The following SNTG1 variants were observed in gnomAD, a reference collection of about 807,000 sequenced individuals.
SNTG1 encodes gamma-1-syntrophin.
SNTG1 carries 39 observed loss-of-function variants against 74.7 expected under a neutral mutation model. That is an observed-to-expected ratio of 0.52 (90% confidence interval 0.40 to 0.68). The LOEUF (loss-of-function observed/expected upper bound fraction) is 0.68. Ranked by LOEUF, SNTG1 falls within the 30% of genes least tolerant of loss-of-function variation. The probability of loss-of-function intolerance (pLI) is 0.00; values close to 1 mark genes in which losing one functional copy is unlikely to be tolerated. For missense variants in SNTG1, 685 were observed against 609.5 expected, an observed-to-expected ratio of 1.12 and a Z score of -1.30; for synonymous variants, 254 against 217.1, an observed-to-expected ratio of 1.17 and a Z score of -1.49.
rs148884298 is a variant in SNTG1 at position 50,247,552 on chromosome 8, C to T, written c.-28+74917C>T. ...AGAGACAAATACTCTGTCACCCAGGCTGCAGTATAGTGGCATGATCATAGT... is the reference window on the plus strand; with the variant it reads ...AGAGACAAATACTCTGTCACCCAGGTTGCAGTATAGTGGCATGATCATAGT... On this transcript the variant is annotated intron_variant, in intron 2 of 18. Transcript: ENST00000642720. Among the ~76,000 whole-genome samples, 632 of 152,276 alleles carry T rather than the reference C, an allele frequency of 4.2e-3. 7 individuals carry two copies. Among genetic ancestry groups the T allele is most frequent in the African/African-American group, 0.014 (586 of 41,550 alleles).
intron 13 of SNTG1, among the ~76,000 whole-genome samples, chr8:50,638,506 A>T (rs544075463): frequency 6.6e-6 from 1 of 152,236 alleles, no homozygotes; most frequent in South Asian, 2.1e-4. Context: ...GAGTTACAAA[A>T]ATTTTTTCTA....
rs753712168 is a variant in SNTG1, at chr8:50,553,171, A to C, written c.802A>C (p.Lys268Gln). Residue 268 changes from lysine (K) to glutamine (Q), a missense_variant, in exon 12 of 19, where the codon AAG (lysine) becomes CAG (glutamine). Physicochemically the swap from Lys to Gln is moderately conservative, Grantham distance 53. Transcript: ENST00000642720. The stretch of plus-strand genomic sequence containing the variant: ...AGCAACTAACATTTCAAATCTCACA[A>C]AGCACAATGTAAGTAATGATTCAAG... ...AIATNISNLT[K>Q]HNIKKINRNF... 45 of 1,613,674 alleles carry C rather than the reference A, an allele frequency of 2.8e-5. No individual in the cohort carries two copies. Among genetic ancestry groups the C allele is most frequent in the Non-Finnish European group, 3.6e-5 (42 of 1,179,812 alleles).
chr8:50,058,626 A>G (rs1820221128), intron 1 of SNTG1, among the ~76,000 whole-genome samples: 1 of 151,942 alleles, frequency 6.6e-6, no homozygotes, highest in Non-Finnish European at 1.5e-5. Flanking sequence ...ACTTTAAACA[A>G]TTTCCCTCAA....
intron 18 of SNTG1, among the ~76,000 whole-genome samples, chr8:50,756,702 T>C (rs1203433174): frequency 6.6e-6 from 1 of 151,758 alleles, no homozygotes; most frequent in African/African-American, 2.4e-5. Context: ...TTTATAGTGT[T>C]AATCCTTCAA....
At chr8:50,479,432 AG>A (rs1380304190) in intron 8 of SNTG1, among the ~76,000 whole-genome samples, 17 of 152,192 alleles carry the variant, frequency 1.1e-4, no homozygotes, top group South Asian at 2.1e-4. Context: ...TCTTTCCTAC[AG>A]AATTTGAAAT....
At chr8:49,910,296 C>T (rs940178117), upstream of SNTG1, among the ~76,000 whole-genome samples, 1 of 152,064 alleles carries the variant, frequency 6.6e-6, no homozygotes. Flanking sequence ...CCTCCCGGAC[C>T]CCCGTCCCCA....
chr8:49,951,616 G>A (rs1422385688), intron 1 of SNTG1, among the ~76,000 whole-genome samples: 2 of 151,446 alleles, frequency 1.3e-5, no homozygotes, highest in Non-Finnish European at 2.9e-5. Flanking sequence ...GGTGGGGTGG[G>A]GGGAGCGGGG....
intron 17 of SNTG1, among the ~76,000 whole-genome samples, chr8:50,744,460 T>C (rs1476005488): frequency 6.6e-6 from 1 of 152,110 alleles, no homozygotes; most frequent in Middle Eastern, 3.4e-3. Context: ...TGTTTATGAA[T>C]TGAAAGACAT....
At chr8:50,671,054 A>G (rs1203567660) in intron 15 of SNTG1, among the ~76,000 whole-genome samples, 11 of 151,348 alleles carry the variant, frequency 7.3e-5, no homozygotes. Context: ...CAGATGGATT[A>G]AAGACTTAAA....
intron 2 of SNTG1, among the ~76,000 whole-genome samples, chr8:50,306,809 C>A (rs28895348): frequency 0.068 from 10,341 of 151,870 alleles, 815 homozygotes; most frequent in African/African-American, 0.17. Flanking sequence ...GCATAGTTTG[C>A]AAATATTATC....
At chr8:50,502,714 G>C in intron 8 of SNTG1, 64 bp from the exon 9 acceptor site, 1 of 1,336,372 alleles carries the variant, frequency 7.5e-7, no homozygotes. Context: ...TAATTTCAAG[G>C]CTTTGCCATC....
chr8:50,103,630 T>A (rs544733421), intron 1 of SNTG1, among the ~76,000 whole-genome samples: 2 of 152,210 alleles, frequency 1.3e-5, no homozygotes, highest in Non-Finnish European at 2.9e-5. Flanking sequence ...GGCATCCCTG[T>A]CTTGTGCCAG....
intron 5 of SNTG1, among the ~76,000 whole-genome samples, chr8:50,443,611 G>C (rs994557146): frequency 6.6e-6 from 1 of 151,976 alleles, no homozygotes; most frequent in Admixed American, 6.6e-5. Context: ...GATAACTATT[G>C]TTATACCTTC....
chr8:49,963,749 TAGCTCCCACTTTATTTC>T (rs1810901348), intron 1 of SNTG1, among the ~76,000 whole-genome samples: 1 of 152,248 alleles, frequency 6.6e-6, no homozygotes, highest in East Asian at 1.9e-4. Context: ...ATGCTATGAA[TAGCTCCCACTTTATTTC>T]AGTGAGTTTT....
At chr8:50,140,497 G>GT (rs1258616143) in intron 1 of SNTG1, among the ~76,000 whole-genome samples, 1 of 152,056 alleles carries the variant, frequency 6.6e-6, no homozygotes, top group Non-Finnish European at 1.5e-5. Context: ...GAATGTGTGT[G>GT]TATTTTATGT....
chr8:50,538,602 T>C (rs368174384), intron 11 of SNTG1, among the ~76,000 whole-genome samples: 2 of 152,150 alleles, frequency 1.3e-5, no homozygotes, highest in African/African-American at 4.8e-5. Flanking sequence ...TCAAGACTTT[T>C]TTTTCTTTTC....
At chr8:50,382,405 A>C (rs986326283) in intron 2 of SNTG1, 1 of 152,160 alleles carries the variant, frequency 6.6e-6, no homozygotes, top group African/African-American at 2.4e-5. Flanking sequence ...AATATCTAGA[A>C]ATATGCGCTA....
At chr8:50,062,293 T>G (rs908151466) in intron 1 of SNTG1, among the ~76,000 whole-genome samples, 1 of 152,138 alleles carries the variant, frequency 6.6e-6, no homozygotes, top group Non-Finnish European at 1.5e-5. Flanking sequence ...GTGATATGCC[T>G]GCCTCGGCCT....
intron 1 of SNTG1, among the ~76,000 whole-genome samples, chr8:49,959,071 T>G (rs1344316779): frequency 1.3e-5 from 2 of 152,234 alleles, no homozygotes; most frequent in African/African-American, 2.4e-5. Context: ...TTTTTTTGTT[T>G]GCTTCATTAT....
Sources: gnomAD v4.1 joint callset for allele counts (sites outside exome capture counted in the v4.1 genomes callset) on GRCh38, gnomAD v4.1.1 for gene constraint, MANE v1.5 for transcripts, NCBI Gene and HGNC (gene_info 2026-07-23, HGNC 2026-07-21) for gene names.